The following ASAP1 variants were observed in gnomAD, a reference collection of about 807,000 sequenced individuals.
ASAP1 encodes the protein arf-GAP with SH3 domain, ANK repeat and PH domain-containing protein 1.
ASAP1 carries 43 observed loss-of-function variants against 145.2 expected under a neutral mutation model. The observed-to-expected ratio is 0.30, with a 90% CI of 0.23 to 0.38. The LOEUF (loss-of-function observed/expected upper bound fraction) is 0.38. Ranked by LOEUF, ASAP1 falls within the 10% of genes least tolerant of loss-of-function variation. The pLI is 1.00. For missense variants in ASAP1, 1,018 were observed against 1,355.3 expected (o/e 0.75, Z 3.91); for synonymous variants, 546 against 515.5 (o/e 1.06, Z -0.80).
chr8:130,217,198 T>C (rs1816980353), intron 4 of ASAP1, among the ~76,000 whole-genome samples: 1 of 152,188 alleles, frequency 6.6e-6, no homozygotes, highest in African/African-American at 2.4e-5. Flanking sequence ...CCCTCCTCTG[T>C]TGTGGCGCAC....
chr8:130,243,232 T>C lies in ASAP1; in HGVS notation c.187-6238A>G, dbSNP rs561980505. ...TAAGTTGTTCATAAAACATTCATTA[T>C]TGCTAACCTGGGGCTTGCTTTATCC... On this transcript the variant is annotated intron_variant, in intron 3 of 29. Transcript: ENST00000518721. Among the ~76,000 whole-genome samples, 5 of 152,282 alleles carry C rather than the reference T, an allele frequency of 3.3e-5. No homozygotes were observed. The South Asian group carries it at 8.3e-4, about 25-fold the overall frequency.
chr8:130,287,729 A>G (rs1438959842), intron 3 of ASAP1, among the ~76,000 whole-genome samples: 1 of 152,210 alleles, frequency 6.6e-6, no homozygotes, highest in Non-Finnish European at 1.5e-5. Flanking sequence ...GTCAAAGGCC[A>G]TAATTACATA....
intron 4 of ASAP1, among the ~76,000 whole-genome samples, chr8:130,222,129 T>C (rs935276752): frequency 6.6e-6 from 1 of 152,196 alleles, no homozygotes; most frequent in Non-Finnish European, 1.5e-5. Context: ...ACAAGTACCT[T>C]AGGAATACAT....
intron 3 of ASAP1, among the ~76,000 whole-genome samples, chr8:130,275,980 C>T (rs1820857733): frequency 6.6e-6 from 1 of 152,142 alleles, no homozygotes; most frequent in South Asian, 2.1e-4. Flanking sequence ...TCAGCGGCTC[C>T]AAGAACAGAT....
chr8:130,236,876 G>T, intron 4 of ASAP1, 46 bp downstream of exon 4: 1 of 1,330,452 alleles, frequency 7.5e-7, no homozygotes, highest in South Asian at 1.3e-5. Flanking sequence ...AAACTCTGTA[G>T]ACATTATTTA....
chr8:130,185,844 T>C (rs927095942), intron 7 of ASAP1, among the ~76,000 whole-genome samples: 1 of 151,950 alleles, frequency 6.6e-6, no homozygotes, highest in Non-Finnish European at 1.5e-5. Flanking sequence ...GAATGCTTTA[T>C]ATTCTAAGTC....
At chr8:130,130,543 T>C (rs777205797) in intron 15 of ASAP1, among the ~76,000 whole-genome samples, 1 of 152,234 alleles carries the variant, frequency 6.6e-6, no homozygotes, top group Non-Finnish European at 1.5e-5. Flanking sequence ...AACTTTTAAA[T>C]TATTTTCAAG....
At chr8:130,126,583 C>A (rs2097575305) in intron 16 of ASAP1, among the ~76,000 whole-genome samples, 1 of 152,158 alleles carries the variant, frequency 6.6e-6, no homozygotes, top group African/African-American at 2.4e-5. Flanking sequence ...GACCTAAGGC[C>A]TTTTTTCTAC....
chr8:130,256,722 C>A (rs2136922442), intron 3 of ASAP1, among the ~76,000 whole-genome samples: 1 of 115,380 alleles, frequency 8.7e-6, no homozygotes, highest in South Asian at 2.5e-4. Context: ...AAATCTTCTT[C>A]CTGAATATAC....
In ASAP1 at chr8:130,060,565, A is replaced by T. The variant is rs761044102; in HGVS notation, c.3192+14T>A. On this transcript the variant is annotated intron_variant, in intron 28 of 29. Transcript: ENST00000518721. ...GAATAGGGTTCCTAAGGGCCTGAAC[A>T]TTGTCCCACCCACCGTATTGATTTT... The T allele has an allele frequency of 1.3e-6, 2 of 1,589,944 alleles. No individual in the cohort carries two copies. The highest frequency in any genetic ancestry group is 1.7e-6 in the Non-Finnish European group (2 of 1,170,812).
intron 9 of ASAP1, among the ~76,000 whole-genome samples, chr8:130,173,928 A>C (rs1813769085): frequency 6.6e-6 from 1 of 151,800 alleles, no homozygotes; most frequent in African/African-American, 2.4e-5. Context: ...AAAGAAAAAA[A>C]AAATTAGCTT....
intron 2 of ASAP1, among the ~76,000 whole-genome samples, chr8:130,389,060 G>A (rs1470355473): frequency 6.6e-6 from 1 of 152,220 alleles, no homozygotes; most frequent in Non-Finnish European, 1.5e-5. Flanking sequence ...TAAACAGCAA[G>A]TGCTTAGAAG....
chr8:130,123,790 G>C (rs2097570323), intron 18 of ASAP1, among the ~76,000 whole-genome samples: 1 of 151,982 alleles, frequency 6.6e-6, no homozygotes, highest in Non-Finnish European at 1.5e-5. Context: ...ACCACGCCCG[G>C]CTAATTTTTA....
At chr8:130,098,258 T>TC (rs1314203777) in intron 24 of ASAP1, among the ~76,000 whole-genome samples, 1 of 152,180 alleles carries the variant, frequency 6.6e-6, no homozygotes, top group East Asian at 1.9e-4. Flanking sequence ...ACAGCTTGCT[T>TC]CCCTTCCTCT....
chr8:130,360,091 A>G (rs1300323515), intron 2 of ASAP1, among the ~76,000 whole-genome samples: 1 of 152,250 alleles, frequency 6.6e-6, no homozygotes, highest in Non-Finnish European at 1.5e-5. Context: ...ACTAAGCACT[A>G]TGTGCCCTGG....
intron 1 of ASAP1, among the ~76,000 whole-genome samples, chr8:130,425,306 T>C (rs1829875553): frequency 6.6e-6 from 1 of 152,128 alleles, no homozygotes; most frequent in Admixed American, 6.5e-5. Flanking sequence ...CACTCCAGCC[T>C]GGGTGACAGA....
chr8:130,145,911 G>A (rs777200750), intron 13 of ASAP1, among the ~76,000 whole-genome samples: 7 of 148,922 alleles, frequency 4.7e-5, no homozygotes, highest in African/African-American at 9.9e-5. Context: ...GTGTGATCTC[G>A]GCTCATTGCA....
intron 1 of ASAP1, among the ~76,000 whole-genome samples, chr8:130,408,956 G>C (rs1829149487): frequency 6.6e-6 from 1 of 152,132 alleles, no homozygotes; most frequent in Non-Finnish European, 1.5e-5. Context: ...ATTGTTCATA[G>C]AGGTAAGTCA....
At chr8:130,246,970 G>C (rs1427938669) in intron 3 of ASAP1, 2 of 152,188 alleles carry the variant, frequency 1.3e-5, no homozygotes, top group African/African-American at 4.8e-5. Flanking sequence ...TCCAACCTTT[G>C]CCTCTTGGAA....
Sources: gnomAD v4.1 joint callset for allele counts (sites outside exome capture counted in the v4.1 genomes callset) on GRCh38, gnomAD v4.1.1 for gene constraint, MANE v1.5 for transcripts, NCBI Gene and HGNC (gene_info 2026-07-23, HGNC 2026-07-21) for gene names.